Variants in CDH12 observed in about 807,000 individuals in gnomAD.
CDH12 encodes the protein cadherin-12.
Under a neutral mutation model 74.1 loss-of-function variants are expected in CDH12, and 41 were observed. The ratio of observed to expected loss-of-function variants is 0.55; its 90% CI spans 0.43 to 0.72. The LOEUF (loss-of-function observed/expected upper bound fraction) is 0.72. Ranked by LOEUF, CDH12 falls within the 30% of genes least tolerant of loss-of-function variation. CDH12 has a pLI of 0.00. For missense variants in CDH12, 945 were observed against 977.2 expected (o/e 0.97, Z 0.44); for synonymous variants, 399 against 355.0 (o/e 1.12, Z -1.39).
chr5:22,085,604 C>T lies in CDH12; in HGVS notation c.-186-6742G>A, dbSNP rs569405521. Among the ~76,000 whole-genome samples the T allele has an allele frequency of 5.3e-5, 8 of 152,126 alleles. No individual in the cohort carries two copies. The South Asian group carries it at 1.7e-3, about 32-fold the overall frequency. ...GAAAATAATACAACCTCCCCCACCT[C>T]CTCTTGTGAATAGGTGGCCCTTTAA... On this transcript the variant is annotated intron_variant, in intron 4 of 14. Coordinates refer to ENST00000382254, the MANE Select transcript of CDH12 (RefSeq NM_004061.5).
chr5:22,117,408 C>T (rs1181022039), intron 4 of CDH12, among the ~76,000 whole-genome samples: 10 of 124,454 alleles, frequency 8.0e-5, no homozygotes, highest in African/African-American at 2.5e-4. Context: ...TATTCTATTC[C>T]CTAAAATTAT....
At chr5:22,269,054 C>A (rs775501254) in intron 3 of CDH12, among the ~76,000 whole-genome samples, 13 of 152,206 alleles carry the variant, frequency 8.5e-5, no homozygotes, top group South Asian at 2.1e-4. Context: ...TCTCTTTGTA[C>A]AAGCATCCTC....
chr5:22,792,334 C>T (rs1485978504), intron 1 of CDH12, among the ~76,000 whole-genome samples: 1 of 152,116 alleles, frequency 6.6e-6, no homozygotes, highest in African/African-American at 2.4e-5. Flanking sequence ...GGTGATCTGC[C>T]TCCGTCGGCC....
rs551198422 is a variant in CDH12 at position 21,783,427 on chromosome 5, C to T, written c.1324G>A (p.Ala442Thr). ...TCTCTGTCTAGTAATTCATTAGTGG[C>T]GATGGTTCCTTCATTTCCATCTATT... The part of the protein sequence containing the change: ...FTIDGNEGTI[A>T]TNELLDREST... The change falls in exon 11 of 15, where the codon GCC (alanine) becomes ACC (threonine). Residue 442 changes from alanine to threonine, a missense_variant. Around this residue, in one of 3 missense-constraint regions of CDH12, gnomAD observed 791 missense variants for 792.8 expected, o/e 1.00. Transcript: ENST00000382254. The T allele has an allele frequency of 6.5e-5, 105 of 1,606,782 alleles. No homozygotes were observed. The highest frequency in any genetic ancestry group is 3.1e-4 in the East Asian group (14 of 44,810).
At chr5:22,535,037 T>G (rs1401480797) in intron 1 of CDH12, among the ~76,000 whole-genome samples, 2 of 148,482 alleles carry the variant, frequency 1.3e-5, no homozygotes, top group African/African-American at 4.9e-5. Context: ...CAGTGGCCCG[T>G]CTCCGCTCAC....
At chr5:22,421,433 C>G (rs1261382) in intron 2 of CDH12, among the ~76,000 whole-genome samples, 15 of 152,112 alleles carry the variant, frequency 9.9e-5, no homozygotes, top group African/African-American at 3.4e-4. Context: ...TGAGAACATG[C>G]GGTGTTTGGT....
intron 3 of CDH12, among the ~76,000 whole-genome samples, chr5:22,324,412 A>G (rs1441099898): frequency 6.6e-6 from 1 of 151,972 alleles, no homozygotes; most frequent in East Asian, 1.9e-4. Flanking sequence ...TTACTACTTT[A>G]TTTAGGAGGT....
chr5:22,393,067 G>A (rs1390255208), intron 3 of CDH12, among the ~76,000 whole-genome samples: 2 of 152,052 alleles, frequency 1.3e-5, no homozygotes, highest in Non-Finnish European at 2.9e-5. Flanking sequence ...AACTGGGAAC[G>A]TCACTTCTTA....
At chr5:21,773,631 C>T (rs1016731818) in intron 11 of CDH12, among the ~76,000 whole-genome samples, 30 of 152,130 alleles carry the variant, frequency 2.0e-4, no homozygotes, top group African/African-American at 7.2e-4. Context: ...CTTCCTGGCT[C>T]CTCATCTTGC....
intron 1 of CDH12, among the ~76,000 whole-genome samples, chr5:22,568,186 T>G (rs527993410): frequency 6.6e-6 from 1 of 152,330 alleles, no homozygotes; most frequent in South Asian, 2.1e-4. Context: ...TGCCTGAAAT[T>G]CTACACTAAT....
At chr5:22,434,083 C>G (rs896099575) in intron 2 of CDH12, among the ~76,000 whole-genome samples, 12 of 152,062 alleles carry the variant, frequency 7.9e-5, no homozygotes, top group African/African-American at 2.9e-4. Context: ...AACTGGTTCT[C>G]AAAAGGATCA....
At chr5:22,009,220 T>A (rs1737146609) in intron 5 of CDH12, among the ~76,000 whole-genome samples, 1 of 152,228 alleles carries the variant, frequency 6.6e-6, no homozygotes, top group East Asian at 1.9e-4. Context: ...GCTTCCCAGC[T>A]AATGAATAAG....
chr5:22,362,474 C>T (rs1740852173), intron 3 of CDH12, among the ~76,000 whole-genome samples: 1 of 152,158 alleles, frequency 6.6e-6, no homozygotes, highest in Admixed American at 6.5e-5. Context: ...CACTTTTACA[C>T]TGTTGGTGGG....
At chr5:22,447,873 G>A (rs1744882347) in intron 2 of CDH12, among the ~76,000 whole-genome samples, 1 of 151,402 alleles carries the variant, frequency 6.6e-6, no homozygotes, top group Non-Finnish European at 1.5e-5. Context: ...TGAGCATGGT[G>A]GCTCATGCCT....
chr5:22,774,197 T>G (rs977849924), intron 1 of CDH12, among the ~76,000 whole-genome samples: 2 of 152,166 alleles, frequency 1.3e-5, no homozygotes, highest in Admixed American at 6.6e-5. Flanking sequence ...GTAGCACTAT[T>G]CACAATAGCA....
intron 5 of CDH12, among the ~76,000 whole-genome samples, chr5:22,001,298 C>A (rs917525298): frequency 6.7e-6 from 1 of 149,426 alleles, no homozygotes; most frequent in African/African-American, 2.6e-5. Context: ...TACCCGATAT[C>A]CCGTCCCCCT....
intron 3 of CDH12, 60 bp downstream of exon 3, chr5:22,405,196 TG>T (rs1393906535): frequency 4.8e-6 from 2 of 413,128 alleles, no homozygotes; most frequent in African/African-American, 4.3e-5. Context: ...GGTGAAAGAG[TG>T]AAACTGTCTT....
chr5:22,147,836 A>G (rs898856949), intron 4 of CDH12, among the ~76,000 whole-genome samples: 26 of 152,082 alleles, frequency 1.7e-4, no homozygotes, highest in Admixed American at 1.6e-3. Context: ...CTCCCACAAG[A>G]TGTGGAATTA....
At chr5:21,974,957 A>T in intron 6 of CDH12, 134 bp downstream of exon 6, 1 of 667,910 alleles carries the variant, frequency 1.5e-6, no homozygotes, top group South Asian at 2.1e-5. Context: ...ACAAAAATAA[A>T]TGAAAAGAAC....
Sources: allele counts gnomAD v4.1 joint callset (sites outside exome capture counted in the v4.1 genomes callset), GRCh38; gene constraint gnomAD v4.1.1; regional missense constraint gnomAD v4.1.1; transcripts MANE v1.5; gene names NCBI Gene and HGNC (gene_info 2026-07-23, HGNC 2026-07-21).